Variants in ADCY7 observed in about 807,000 individuals in gnomAD.
ADCY7 encodes the protein adenylate cyclase type 7.
A neutral mutation model predicts 120.6 loss-of-function variants in ADCY7; 72 were observed. The ratio of observed to expected loss-of-function variants is 0.60; its 90% CI spans 0.49 to 0.73. The LOEUF (loss-of-function observed/expected upper bound fraction) is 0.73, where lower values mean the gene tolerates loss of function less well. Among genes scored for constraint, ADCY7 ranks in the 30% least tolerant of loss-of-function variants. The pLI is 0.00. For synonymous variants in ADCY7, 661 were observed against 628.0 expected (o/e 1.05, Z -0.78); for missense variants, 1,227 against 1,486.0 (o/e 0.83, Z 2.87).
intron 14 of ADCY7, among the ~76,000 whole-genome samples, chr16:50,306,369 C>T (rs2151055061): frequency 6.6e-6 from 1 of 152,338 alleles, no homozygotes; most frequent in South Asian, 2.1e-4. Context: ...AGGAAACTGG[C>T]TCTCAGAGGC....
At chr16:50,283,686 C>T (rs962690626) in intron 1 of ADCY7, among the ~76,000 whole-genome samples, 1 of 152,140 alleles carries the variant, frequency 6.6e-6, no homozygotes, top group Non-Finnish European at 1.5e-5. Flanking sequence ...CTGGGGTGGT[C>T]GTGAGGTGAG....
In ADCY7 at chr16:50,315,960, T is replaced by C; in HGVS notation, c.*455T>C. ...GGAGACTCCCTCTCCCTGGTGGGCC[T>C]GGCAATGACAGCATTTCTCACAGAG... On this transcript the variant is annotated 3_prime_UTR_variant, in exon 26 of 26. Coordinates refer to ENST00000673801, the MANE Select transcript of ADCY7 (RefSeq NM_001114.5). The C allele has an allele frequency of 6.4e-6, 1 of 156,114 alleles. No homozygotes were observed. The highest frequency in any genetic ancestry group is 1.8e-4 in the East Asian group (1 of 5,446). The allele number at this position is 156,114 out of a possible 1,614,324, so 9.7% of individuals were successfully genotyped here.
intron 1 of ADCY7, among the ~76,000 whole-genome samples, chr16:50,285,208 C>G (rs2034506229): frequency 6.6e-6 from 1 of 152,224 alleles, no homozygotes; most frequent in African/African-American, 2.4e-5. Flanking sequence ...ACTTTGGGCA[C>G]TTTGACAGCT....
intron 1 of ADCY7, among the ~76,000 whole-genome samples, chr16:50,287,267 G>C (rs1463015966): frequency 6.6e-6 from 1 of 151,750 alleles, no homozygotes. Context: ...TGCCTGCCTC[G>C]ACCTCTCAAA....
chr16:50,299,592 C>A (rs2035583946), intron 8 of ADCY7, among the ~76,000 whole-genome samples: 1 of 152,244 alleles, frequency 6.6e-6, no homozygotes, highest in Non-Finnish European at 1.5e-5. Context: ...CAGAGCAGGG[C>A]CCGGTGGGGC....
At chr16:50,291,521 G>T (rs1596905236) in intron 3 of ADCY7, among the ~76,000 whole-genome samples, 1 of 152,336 alleles carries the variant, frequency 6.6e-6, no homozygotes, top group East Asian at 1.9e-4. Context: ...ACAGGCAGTG[G>T]ATCAGCACAG....
In ADCY7 at chr16:50,308,771, C is replaced by T; in HGVS notation, c.2040C>T (p.Leu680=). Residue 680 remains leucine, a synonymous_variant, in exon 17 of 26, where the codon CTC becomes CTT. Transcript: ENST00000673801. The part of the protein sequence containing the change: ...TLAVLTIGSL[L]TVAIINLPLM... Reference sequence around the variant, plus strand: ...CCGTCCTGACCATCGGCAGCCTGCTCACTGTGGCCATCATCAACCTGGTGG... The same window carrying T: ...CCGTCCTGACCATCGGCAGCCTGCTTACTGTGGCCATCATCAACCTGGTGG... 6.2e-7 allele frequency: 1 copy of T among 1,611,358 alleles called. No individual in the cohort carries two copies. The highest frequency in any genetic ancestry group is 8.5e-7 in the Non-Finnish European group (1 of 1,179,406).
chr16:50,263,587 A>G (rs2033114299), upstream of ADCY7, among the ~76,000 whole-genome samples: 2 of 152,056 alleles, frequency 1.3e-5, no homozygotes, highest in Non-Finnish European at 1.5e-5. Flanking sequence ...TCCCTGCTCT[A>G]TGGCCGGTGC....
intron 8 of ADCY7, among the ~76,000 whole-genome samples, chr16:50,300,411 G>A (rs2035637685): frequency 6.6e-6 from 1 of 152,196 alleles, no homozygotes; most frequent in Non-Finnish European, 1.5e-5. Context: ...CTGCTGGGCA[G>A]GGAAAACACC....
In ADCY7 at chr16:50,311,810, C is replaced by G. The variant is rs376775069; in HGVS notation, c.2448+24C>G. ...AGGTAAGGAGGCTGGCCCCCCCCCC[C>G]CCCCCAAGCTCTGCCCACTTTTCCT... On this transcript the variant is annotated intron_variant, in intron 20 of 25. Coordinates refer to ENST00000673801, the MANE Select transcript of ADCY7 (RefSeq NM_001114.5). The G allele has an allele frequency of 1.7e-3, 2,219 of 1,343,068 alleles. 73 individuals carry two copies. Among genetic ancestry groups the G allele is most frequent in the Admixed American group, 6.8e-3 (367 of 54,074 alleles). The allele number at this position is 1,343,068 out of a possible 1,614,324, so 83.2% of individuals were successfully genotyped here.
At chr16:50,258,460 A>T (rs2032975304) in intron 1 of ADCY7, among the ~76,000 whole-genome samples, 1 of 151,942 alleles carries the variant, frequency 6.6e-6, no homozygotes, top group Non-Finnish European at 1.5e-5. Context: ...CAGAGGCTTG[A>T]TCTAATTCAG....
chr16:50,308,855 C>T, intron 17 of ADCY7, 63 bp downstream of exon 17: 5 of 1,529,250 alleles, frequency 3.3e-6, no homozygotes, highest in Non-Finnish European at 3.5e-6. Context: ...TTTGGGACGC[C>T]TACAATGTGG....
chr16:50,284,978 T>A (rs1300267368), intron 1 of ADCY7, among the ~76,000 whole-genome samples: 1 of 152,216 alleles, frequency 6.6e-6, no homozygotes, highest in Non-Finnish European at 1.5e-5. Context: ...ATTGAATGTA[T>A]CTCAGGCAGG....
intron 1 of ADCY7, among the ~76,000 whole-genome samples, chr16:50,277,411 C>T (rs1204546864): frequency 6.6e-6 from 1 of 152,216 alleles, no homozygotes; most frequent in Non-Finnish European, 1.5e-5. Flanking sequence ...TGTACTGACT[C>T]ACATTCCTGC....
rs752356585 is a variant in ADCY7, at chr16:50,288,216, G to A, written c.37G>A (p.Glu13Lys). Residue 13 changes from glutamate to lysine, a missense_variant, in exon 2 of 26, where the codon GAG becomes AAG. This residue lies in a region of ADCY7 where 382 missense variants were observed against 411.4 expected (regional missense o/e 0.93). Transcript: ENST00000673801. ...AKGRYFLNEG[E>K]EGPDQDALYE... The stretch of plus-strand genomic sequence containing the variant: ...GGGGCGCTACTTCCTCAACGAGGGC[G>A]AGGAGGGCCCTGACCAAGATGCGCT... The A allele has an allele frequency of 9.0e-6, 14 of 1,551,246 alleles. No homozygotes were observed. Among genetic ancestry groups the A allele is most frequent in the African/African-American group, 2.7e-5 (2 of 73,046 alleles).
chr16:50,299,135 G>A (rs2035548494), intron 8 of ADCY7, 104 bp downstream of exon 8: 1 of 1,412,334 alleles, frequency 7.1e-7, no homozygotes, highest in African/African-American at 1.4e-5. Flanking sequence ...GGAAACTGAG[G>A]CTCGGGGGGT....
Position 50,315,694 on chromosome 16 carries a change from G to A in ADCY7, c.*189G>A. 1 of 671,440 alleles carries A rather than the reference G, an allele frequency of 1.5e-6. No individual in the cohort carries two copies. Among genetic ancestry groups the A allele is most frequent in the East Asian group, 2.8e-5 (1 of 35,516 alleles). The allele number at this position is 671,440 out of a possible 1,614,324, so 41.6% of individuals were successfully genotyped here. ...GATTCTGGCTCGAAGCAGCCACTGA[G>A]CCATAATGCGCAGGGGAGGCCAGAA... On this transcript the variant is annotated 3_prime_UTR_variant, in exon 26 of 26. Coordinates refer to ENST00000673801, the MANE Select transcript of ADCY7 (RefSeq NM_001114.5).
chr16:50,299,167 T>A, intron 8 of ADCY7, 136 bp downstream of exon 8: 145 of 1,122,754 alleles, frequency 1.3e-4, no homozygotes, highest in Non-Finnish European at 1.7e-4. Context: ...GCAGCTTGCC[T>A]GGACCACCCA....
intron 19 of ADCY7, 110 bp from the exon 20 acceptor site, chr16:50,311,583 T>C: frequency 2.6e-6 from 2 of 778,348 alleles, no homozygotes; most frequent in Non-Finnish European, 2.3e-6. Context: ...CCCACCCCAT[T>C]AGAATCAATT....
Sources: gnomAD v4.1 joint callset for allele counts (sites outside exome capture counted in the v4.1 genomes callset) on GRCh38, gnomAD v4.1.1 for gene constraint, gnomAD v4.1.1 regional missense constraint, MANE v1.5 for transcripts, NCBI Gene and HGNC (gene_info 2026-07-23, HGNC 2026-07-21) for gene names.